The following TMBIM4 variants were observed in gnomAD, a reference collection of about 807,000 sequenced individuals.
The protein encoded by TMBIM4 is protein lifeguard 4.
A neutral mutation model predicts 27.7 loss-of-function variants in TMBIM4; 28 were observed. The ratio of observed to expected loss-of-function variants is 1.01; its 90% CI spans 0.75 to 1.38. TMBIM4 has a LOEUF of 1.38. Ranked by LOEUF, TMBIM4 falls within the 40% of genes most tolerant of loss-of-function variation. The pLI is 0.00. For synonymous variants in TMBIM4, 115 were observed against 113.1 expected, an observed-to-expected ratio of 1.02 and a Z score of -0.11; for missense variants, 265 against 277.5, an observed-to-expected ratio of 0.95 and a Z score of 0.32.
chr12:66,148,017 T>A, intron 3 of TMBIM4, 76 bp from the exon 4 acceptor site: 1 of 1,349,434 alleles, frequency 7.4e-7, no homozygotes, highest in Non-Finnish European at 1.0e-6. Context: ...TCTAGCAGCT[T>A]AATGTGATCC....
intron 1 of TMBIM4, among the ~76,000 whole-genome samples, chr12:66,167,354 C>A (rs1367506688): frequency 2.0e-5 from 3 of 152,152 alleles, no homozygotes; most frequent in Middle Eastern, 3.2e-3. Context: ...TGGGGAAAAG[C>A]AGAAAGGGTA....
chr12:66,142,720 G>T (rs1381596307), intron 5 of TMBIM4, among the ~76,000 whole-genome samples: 1 of 151,528 alleles, frequency 6.6e-6, no homozygotes, highest in Admixed American at 6.6e-5. Context: ...TAAAAAGATT[G>T]TCTGGAACAA....
intron 5 of TMBIM4, among the ~76,000 whole-genome samples, chr12:66,139,927 T>G (rs1485588828): frequency 2.6e-5 from 4 of 152,186 alleles, no homozygotes; most frequent in Non-Finnish European, 5.9e-5. Flanking sequence ...AGCAGTACCC[T>G]TAGGGCCAAA....
At chr12:66,166,058 C>T (rs1364851888) in intron 1 of TMBIM4, among the ~76,000 whole-genome samples, 16 of 152,078 alleles carry the variant, frequency 1.1e-4, no homozygotes, top group South Asian at 4.1e-4. Context: ...TTTAGGACTT[C>T]GATCTTTTTT....
At chr12:66,159,345 T>C (rs1352259446) in intron 1 of TMBIM4, among the ~76,000 whole-genome samples, 1 of 152,154 alleles carries the variant, frequency 6.6e-6, no homozygotes, top group Non-Finnish European at 1.5e-5. Flanking sequence ...GAGAGGTTCA[T>C]GTGGCAAGGA....
At chr12:66,164,214 T>C (rs756905978) in intron 1 of TMBIM4, among the ~76,000 whole-genome samples, 1 of 152,162 alleles carries the variant, frequency 6.6e-6, no homozygotes, top group Non-Finnish European at 1.5e-5. Flanking sequence ...AGTAGTTCTA[T>C]GCAAACCGAC....
chr12:66,165,624 C>T (rs2052113506), intron 1 of TMBIM4, among the ~76,000 whole-genome samples: 1 of 152,060 alleles, frequency 6.6e-6, no homozygotes, highest in Non-Finnish European at 1.5e-5. Flanking sequence ...AAGTCTTTTG[C>T]TGTATTTTAT....
At chr12:66,163,366 A>G (rs12578364) in intron 1 of TMBIM4, among the ~76,000 whole-genome samples, 11,332 of 152,218 alleles carry the variant, frequency 0.074, 849 homozygotes, top group East Asian at 0.44. Context: ...TTCTCACACT[A>G]CTATAAAGAA....
intron 1 of TMBIM4, among the ~76,000 whole-genome samples, chr12:66,168,058 A>G (rs2052161590): frequency 6.6e-6 from 1 of 152,012 alleles, no homozygotes; most frequent in Admixed American, 6.6e-5. Context: ...GTCTCTACCA[A>G]AAGTACAAAA....
intron 3 of TMBIM4, among the ~76,000 whole-genome samples, chr12:66,151,814 A>C (rs117609086): frequency 5.6e-4 from 85 of 152,362 alleles, no homozygotes; most frequent in Non-Finnish European, 1.1e-3. Context: ...TGGTTCTTTA[A>C]AAGATCAGAG....
chr12:66,138,234 C>G (rs1186542479), intron 6 of TMBIM4, 68 bp from the exon 7 acceptor site: 1 of 1,533,378 alleles, frequency 6.5e-7, no homozygotes, highest in East Asian at 2.4e-5. Flanking sequence ...TAACTTACTT[C>G]CTCTAATGAT....
intron 5 of TMBIM4, among the ~76,000 whole-genome samples, chr12:66,143,405 C>G (rs1429152124): frequency 6.6e-6 from 1 of 152,090 alleles, no homozygotes; most frequent in East Asian, 1.9e-4. Flanking sequence ...AACTGACTTT[C>G]TAGGAAAGAA....
At chr12:66,161,492 C>T (rs1235587821) in intron 1 of TMBIM4, among the ~76,000 whole-genome samples, 1 of 152,184 alleles carries the variant, frequency 6.6e-6, no homozygotes, top group Non-Finnish European at 1.5e-5. Flanking sequence ...CTTGGCCTCC[C>T]AAAGTTCTAG....
chr12:66,145,195 A>G (rs1388713970), intron 5 of TMBIM4, among the ~76,000 whole-genome samples: 1 of 152,162 alleles, frequency 6.6e-6, no homozygotes, highest in African/African-American at 2.4e-5. Flanking sequence ...TTACCAGAAT[A>G]AAAGGGGTGG....
In TMBIM4 at chr12:66,136,190, C is replaced by G. The variant is rs142687861; in HGVS notation, c.*1770G>C. The G allele has an allele frequency of 2.7e-5, 4 of 150,184 alleles. No homozygotes were observed. Among genetic ancestry groups the G allele is most frequent in the Non-Finnish European group, 5.9e-5 (4 of 67,680 alleles). The allele number at this position is 150,184 out of a possible 1,614,324, so 9.3% of individuals were successfully genotyped here. A position where few individuals can be genotyped will look rare whatever the true frequency, so the allele number is the denominator to read the frequency against. ...TTAATCCTTATAACAGCCCAATAAG[C>G]TAGACATCATTATTCCCATTATGAA... is the stretch of plus-strand genomic sequence containing the variant. On this transcript the variant is annotated 3_prime_UTR_variant, in exon 7 of 7. Coordinates refer to ENST00000358230, the MANE Select transcript of TMBIM4 (RefSeq NM_016056.4).
At chr12:66,149,434 G>A (rs1348715466) in intron 3 of TMBIM4, among the ~76,000 whole-genome samples, 4 of 121,794 alleles carry the variant, frequency 3.3e-5, no homozygotes, top group Admixed American at 2.8e-4. Context: ...GACAGAGAGA[G>A]ACCCTGTCTC....
chr12:66,165,419 CTT>C (rs35278988), intron 1 of TMBIM4, among the ~76,000 whole-genome samples: 6 of 137,864 alleles, frequency 4.4e-5, no homozygotes, highest in Admixed American at 7.3e-5. Context: ...ATATATGATC[CTT>C]TTTTTTTTTT....
rs776687558 is a variant in TMBIM4 at position 66,137,634 on chromosome 12, T to A, written c.*326A>T. 1 of 264,184 alleles carries A rather than the reference T, an allele frequency of 3.8e-6. No homozygotes were observed. Among genetic ancestry groups the A allele is most frequent in the Non-Finnish European group, 7.4e-6 (1 of 134,720 alleles). 16.4% of individuals were successfully genotyped at this position (264,184 alleles called of 1,614,324 possible). On this transcript the variant is annotated 3_prime_UTR_variant, in exon 7 of 7. Transcript: ENST00000358230. ...TGGTCTCAACCTCTTGACCTCGTGA[T>A]CCACCTGCCTCGGTCTCCCAAAGTG...
At chr12:66,164,870 A>C (rs1317105241) in intron 1 of TMBIM4, among the ~76,000 whole-genome samples, 2 of 152,244 alleles carry the variant, frequency 1.3e-5, no homozygotes, top group Non-Finnish European at 2.9e-5. Context: ...AGAATAAATG[A>C]ATTCAGCAAA....
Sources: allele counts gnomAD v4.1 joint callset (sites outside exome capture counted in the v4.1 genomes callset), GRCh38; gene constraint gnomAD v4.1.1; transcripts MANE v1.5; gene names NCBI Gene and HGNC (gene_info 2026-07-23, HGNC 2026-07-21).